Variants in ASH1L observed in about 807,000 individuals in gnomAD.
ASH1L encodes the protein ASH1 like histone lysine methyltransferase.
Under a neutral mutation model 269.0 loss-of-function variants are expected in ASH1L, and 23 were observed. The observed-to-expected ratio is 0.09, with a 90% CI of 0.06 to 0.12. The LOEUF (loss-of-function observed/expected upper bound fraction) is 0.12. ASH1L is among the 10% of genes least tolerant of loss of function. ASH1L has a pLI of 1.00. For missense variants in ASH1L, 2,912 were observed against 3,567.8 expected, an observed-to-expected ratio of 0.82 and a Z score of 4.68; for synonymous variants, 1,187 against 1,253.5, an observed-to-expected ratio of 0.95 and a Z score of 1.12.
At chr1:155,516,154 C>A (rs1390048504) in intron 2 of ASH1L, among the ~76,000 whole-genome samples, 2 of 151,984 alleles carry the variant, frequency 1.3e-5, no homozygotes, top group Non-Finnish European at 2.9e-5. Context: ...GTTGCTTGAC[C>A]ACATTCAAAA....
intron 4 of ASH1L, among the ~76,000 whole-genome samples, chr1:155,446,776 C>T (rs1448552592): frequency 1.3e-5 from 2 of 152,016 alleles, no homozygotes; most frequent in African/African-American, 4.8e-5. Context: ...CGCCCGCCAC[C>T]GCGCCCGGCT....
intron 24 of ASH1L, chr1:155,342,936 TTTC>T (rs1652936337): frequency 6.2e-6 from 1 of 161,394 alleles, no homozygotes; most frequent in Admixed American, 6.1e-5. Flanking sequence ...TTGGAGAATC[TTTC>T]ATCATATACA....
At chr1:155,383,728 C>T (rs1657175675) in intron 7 of ASH1L, among the ~76,000 whole-genome samples, 1 of 151,998 alleles carries the variant, frequency 6.6e-6, no homozygotes, top group African/African-American at 2.4e-5. Context: ...TTATACAACC[C>T]CACTTTCAAA....
chr1:155,444,407 T>C (rs900592125), intron 4 of ASH1L, among the ~76,000 whole-genome samples: 29 of 152,330 alleles, frequency 1.9e-4, no homozygotes, highest in South Asian at 2.1e-4. Context: ...CTTGGTATTA[T>C]GCAGTCTTTT....
chr1:155,532,216 G>A (rs1015947315), intron 1 of ASH1L, among the ~76,000 whole-genome samples: 2 of 152,014 alleles, frequency 1.3e-5, no homozygotes, highest in Non-Finnish European at 2.9e-5. Flanking sequence ...CAAATTCAAA[G>A]GAAAGTAACA....
intron 13 of ASH1L, among the ~76,000 whole-genome samples, chr1:155,359,361 C>A (rs1007510709): frequency 2.0e-5 from 3 of 152,084 alleles, no homozygotes; most frequent in Non-Finnish European, 4.4e-5. Flanking sequence ...TCTGCAACCT[C>A]CACCTCCTGG....
chr1:155,414,395 C>T (rs1184174070), intron 6 of ASH1L, among the ~76,000 whole-genome samples: 1 of 152,038 alleles, frequency 6.6e-6, no homozygotes, highest in Non-Finnish European at 1.5e-5. Context: ...CTGCAACCTC[C>T]GCCTCCCAGG....
At chr1:155,552,296 T>C (rs1358563525) in intron 1 of ASH1L, among the ~76,000 whole-genome samples, 3 of 151,894 alleles carry the variant, frequency 2.0e-5, no homozygotes, top group Non-Finnish European at 4.4e-5. Context: ...TGAAACCCCG[T>C]CTCTACTAAA....
chr1:155,366,675 A>G (rs1655448318), intron 12 of ASH1L, among the ~76,000 whole-genome samples: 3 of 151,888 alleles, frequency 2.0e-5, no homozygotes, highest in Non-Finnish European at 4.4e-5. Flanking sequence ...ATTGGTTTTT[A>G]TTTATTTATT....
chr1:155,540,049 C>T (rs1670322517), intron 1 of ASH1L, among the ~76,000 whole-genome samples: 1 of 151,160 alleles, frequency 6.6e-6, no homozygotes, highest in Non-Finnish European at 1.5e-5. Context: ...GCCTGGGTGA[C>T]AGAGCAAGAC....
chr1:155,433,648 G>T, intron 5 of ASH1L: 1 of 1,606,350 alleles, frequency 6.2e-7, no homozygotes, highest in African/African-American at 1.3e-5. Flanking sequence ...TGAAGCAGAA[G>T]AGGATCACCC....
intron 17 of ASH1L, among the ~76,000 whole-genome samples, chr1:155,352,439 C>A (rs1027632803): frequency 2.0e-5 from 3 of 151,530 alleles, no homozygotes; most frequent in Admixed American, 6.6e-5. Flanking sequence ...CTCTTTATAT[C>A]CTTAGGTTAA....
intron 4 of ASH1L, among the ~76,000 whole-genome samples, chr1:155,450,918 C>T (rs775923336): frequency 1.1e-4 from 16 of 152,208 alleles, no homozygotes; most frequent in Non-Finnish European, 1.9e-4. Context: ...TAAACCCTGT[C>T]TGGGTGCAGT....
intron 3 of ASH1L, among the ~76,000 whole-genome samples, chr1:155,465,558 A>C (rs1664624134): frequency 6.6e-6 from 1 of 152,234 alleles, no homozygotes; most frequent in African/African-American, 2.4e-5. Context: ...AATGCTATGC[A>C]GTAGTCAGTT....
intron 1 of ASH1L, among the ~76,000 whole-genome samples, chr1:155,530,463 C>T (rs755644345): frequency 6.6e-6 from 1 of 151,922 alleles, no homozygotes; most frequent in South Asian, 2.1e-4. Flanking sequence ...CAGTGGCTCA[C>T]GCCTGTAATC....
chr1:155,365,609 C>G (rs1160364836), intron 12 of ASH1L, among the ~76,000 whole-genome samples: 1 of 151,640 alleles, frequency 6.6e-6, no homozygotes, highest in African/African-American at 2.4e-5. Context: ...TCTCCAAAAT[C>G]TGGAAACCAG....
At chr1:155,339,430 T>C (rs1652584455) in intron 25 of ASH1L, 62 bp from the exon 26 acceptor site, 1 of 1,518,000 alleles carries the variant, frequency 6.6e-7, no homozygotes, top group Non-Finnish European at 9.1e-7. Context: ...AGCTCTTCTC[T>C]GGGGCCAGTC....
chr1:155,532,871 GTATATATATGTA>G (rs1156541927), intron 1 of ASH1L, among the ~76,000 whole-genome samples: 11 of 147,112 alleles, frequency 7.5e-5, no homozygotes, highest in African/African-American at 2.7e-4. Flanking sequence ...ATATATATGT[GTATATATATGTA>G]TATATATATG....
chr1:155,558,263 G>A (rs551677375), intron 1 of ASH1L, among the ~76,000 whole-genome samples: 1 of 152,270 alleles, frequency 6.6e-6, no homozygotes, highest in South Asian at 2.1e-4. Flanking sequence ...GAGGTCAGGA[G>A]TTTGAGACCA....
Sources: gnomAD v4.1 joint callset for allele counts (sites outside exome capture counted in the v4.1 genomes callset) on GRCh38, gnomAD v4.1.1 for gene constraint, MANE v1.5 for transcripts, NCBI Gene and HGNC (gene_info 2026-07-23, HGNC 2026-07-21) for gene names.